The following PSMA4 variants were observed in gnomAD, a reference collection of about 807,000 sequenced individuals.
The protein encoded by PSMA4 is proteasome 20S subunit alpha 4.
A neutral mutation model predicts 37.2 loss-of-function variants in PSMA4; 8 were observed. The ratio of observed to expected loss-of-function variants is 0.22; its 90% CI spans 0.13 to 0.39. The LOEUF (loss-of-function observed/expected upper bound fraction) is 0.39. Among genes scored for constraint, PSMA4 ranks in the 10% least tolerant of loss-of-function variants. The pLI is 1.00. For missense variants in PSMA4, 169 were observed against 305.1 expected, an observed-to-expected ratio of 0.55 and a Z score of 3.32; for synonymous variants, 93 against 98.8, an observed-to-expected ratio of 0.94 and a Z score of 0.35.
rs202020056 is a variant in PSMA4 at position 78,542,460 on chromosome 15, T to C, written c.47-23T>C. ...CAGGAGCACAGAGGAGAGTCTTGGC[T>C]TCTCACTGCTTTTGTTTTGTAGGTC... is the stretch of plus-strand genomic sequence containing the variant. On this transcript the variant is annotated intron_variant, in intron 3 of 8. Coordinates refer to ENST00000044462, the MANE Select transcript of PSMA4 (RefSeq NM_002789.6). 9.8e-5 allele frequency: 157 copies of C among 1,606,856 alleles called. 1 individual carries two copies. Among genetic ancestry groups the C allele is most frequent in the Non-Finnish European group, 1.3e-4 (150 of 1,177,202 alleles).
At chr15:78,546,097 A>G (rs914009856) in intron 7 of PSMA4, among the ~76,000 whole-genome samples, 1 of 152,124 alleles carries the variant, frequency 6.6e-6, no homozygotes, top group Non-Finnish European at 1.5e-5. Context: ...TTTATAGAGC[A>G]TTAGTACCCC....
intron 5 of PSMA4, 127 bp downstream of exon 5, chr15:78,544,394 C>T: frequency 1.8e-6 from 1 of 568,084 alleles, no homozygotes; most frequent in Non-Finnish European, 3.1e-6. Flanking sequence ...TGGCTCACTG[C>T]AACCTCCGCC....
At chr15:78,546,781 T>G in intron 8 of PSMA4, 83 bp downstream of exon 8, 1 of 1,442,882 alleles carries the variant, frequency 6.9e-7, no homozygotes, top group Non-Finnish European at 9.4e-7. Context: ...TTTTTTTTTT[T>G]TTTGAGATGG....
chr15:78,544,710 C>T, intron 5 of PSMA4, 159 bp from the exon 6 acceptor site: 2 of 510,390 alleles, frequency 3.9e-6, no homozygotes, highest in Non-Finnish European at 6.9e-6. Context: ...ATATTATTTA[C>T]TATGAGAATA....
At chr15:78,542,352 C>A in intron 3 of PSMA4, 131 bp from the exon 4 acceptor site, 1 of 1,371,892 alleles carries the variant, frequency 7.3e-7, no homozygotes, top group African/African-American at 1.5e-5. Context: ...TTATCATCAC[C>A]AGGTTGATTA....
chr15:78,548,970 G>C lies in PSMA4; in HGVS notation c.*26G>C. 6.3e-7 allele frequency: 1 copy of C among 1,591,578 alleles called. No homozygotes were observed. Among genetic ancestry groups the C allele is most frequent in the Non-Finnish European group, 8.5e-7 (1 of 1,171,702 alleles). ...AATCAGAGATTTTATTACTCATTTGGGGCACCATTTCAGTGTAAAAGCAGT... is the reference window on the plus strand; with the variant it reads ...AATCAGAGATTTTATTACTCATTTGCGGCACCATTTCAGTGTAAAAGCAGT... On this transcript the variant is annotated 3_prime_UTR_variant, in exon 9 of 9. Transcript: ENST00000044462.
intron 3 of PSMA4, 97 bp downstream of exon 3, chr15:78,542,316 T>A: frequency 7.0e-7 from 1 of 1,418,822 alleles, no homozygotes; most frequent in South Asian, 1.3e-5. Context: ...AGTTGCAAAG[T>A]TCATCCTTTT....
At chr15:78,542,306 A>G (rs2052469155) in intron 3 of PSMA4, 87 bp downstream of exon 3, 7 of 1,436,844 alleles carry the variant, frequency 4.9e-6, no homozygotes, top group Non-Finnish European at 5.7e-6. Context: ...TTTTTTTGGT[A>G]GTTGCAAAGT....
chr15:78,543,055 TTTA>T (rs573259977), intron 4 of PSMA4, among the ~76,000 whole-genome samples: 86 of 152,286 alleles, frequency 5.6e-4, no homozygotes, highest in African/African-American at 1.9e-3. Flanking sequence ...CAAAGTATTG[TTTA>T]GAATAGCTAC....
At chr15:78,542,725 C>T (rs920408085) in intron 4 of PSMA4, 80 bp downstream of exon 4, 16 of 1,319,342 alleles carry the variant, frequency 1.2e-5, no homozygotes, top group Non-Finnish European at 1.7e-5. Context: ...TGGGAGGGCT[C>T]TTCCGTGCGA....
chr15:78,545,782 G>C lies in PSMA4; in HGVS notation c.507+18G>C. On this transcript the variant is annotated intron_variant, in intron 7 of 8. Coordinates refer to ENST00000044462, the MANE Select transcript of PSMA4 (RefSeq NM_002789.6). ...ATAGCGCTGTGAGTATTTTTGTTGTGCTATAAAATCTAGCAGAATGTCTAA... is the reference window on the plus strand; with the variant it reads ...ATAGCGCTGTGAGTATTTTTGTTGTCCTATAAAATCTAGCAGAATGTCTAA... 1.2e-6 allele frequency: 2 copies of C among 1,612,132 alleles called. No individual in the cohort carries two copies. The highest frequency in any genetic ancestry group is 1.7e-6 in the Non-Finnish European group (2 of 1,178,624).
chr15:78,547,044 G>A (rs1451672622), intron 8 of PSMA4, among the ~76,000 whole-genome samples: 1 of 152,210 alleles, frequency 6.6e-6, no homozygotes, highest in African/African-American at 2.4e-5. Context: ...GGGATTACAG[G>A]CGTGAGCCAT....
rs2052509734 is a variant in PSMA4 at position 78,544,279 on chromosome 15, A to T, written c.287+12A>T. The T allele has an allele frequency of 2.0e-6, 3 of 1,525,852 alleles. No individual in the cohort carries two copies. The highest frequency in any genetic ancestry group is 2.6e-6 in the Non-Finnish European group (3 of 1,141,270). 94.5% of individuals were successfully genotyped at this position (1,525,852 alleles called of 1,614,324 possible). A position where few individuals can be genotyped will look rare whatever the true frequency, so the allele number is the denominator to read the frequency against. On this transcript the variant is annotated intron_variant, in intron 5 of 8. Coordinates refer to ENST00000044462, the MANE Select transcript of PSMA4 (RefSeq NM_002789.6). ...CTCATTGCTCAAAGGTATGGTCATAAATAGCATAACTGATGATACAGAAAT... is the reference window on the plus strand; with the variant it reads ...CTCATTGCTCAAAGGTATGGTCATATATAGCATAACTGATGATACAGAAAT...
At chr15:78,542,408 T>C (rs148200521) in intron 3 of PSMA4, 75 bp from the exon 4 acceptor site, 2 of 1,527,934 alleles carry the variant, frequency 1.3e-6, no homozygotes, top group Non-Finnish European at 1.8e-6. Flanking sequence ...GCTTGCTTCA[T>C]TGCTGATTTC....
rs1410955505 is a variant in PSMA4 at position 78,551,628 on chromosome 15, T to C, written c.*2684T>C. The C allele has an allele frequency of 6.6e-6, 1 of 152,102 alleles. No individual in the cohort carries two copies. The highest frequency in any genetic ancestry group is 1.5e-5 in the Non-Finnish European group (1 of 68,034). 9.4% of individuals were successfully genotyped at this position (152,102 alleles called of 1,614,324 possible). A position where few individuals can be genotyped will look rare whatever the true frequency, so the allele number is the denominator to read the frequency against. ...GTCTCTCCCCACTGGAATACAGACT[T>C]CCAGAGCAGTACTTTGTTTTCATTC... is the stretch of plus-strand genomic sequence containing the variant. On this transcript the variant is annotated 3_prime_UTR_variant, in exon 9 of 9. Coordinates refer to ENST00000044462, the MANE Select transcript of PSMA4 (RefSeq NM_002789.6).
intron 8 of PSMA4, 92 bp from the exon 9 acceptor site, chr15:78,548,698 T>G (rs2052599153): frequency 6.0e-6 from 9 of 1,492,942 alleles, no homozygotes; most frequent in Middle Eastern, 3.6e-4. Flanking sequence ...TTCAATGATG[T>G]GGCGAGCATA....
intron 6 of PSMA4, 72 bp downstream of exon 6, chr15:78,545,029 G>A (rs775070820): frequency 9.5e-7 from 1 of 1,049,286 alleles, no homozygotes; most frequent in Non-Finnish European, 1.4e-6. Context: ...TTTTGAGGTA[G>A]TAAAAAATTG....
At position 78,549,099 on chromosome 15, in the gene PSMA4, ATACTT is replaced by A. The variant is rs2052608000; in HGVS notation, c.*158_*162del. 8.7e-7 allele frequency: 1 copy of A among 1,146,904 alleles called. No homozygotes were observed. The highest frequency in any genetic ancestry group is 1.6e-5 in the African/African-American group (1 of 63,230). 71.0% of individuals were successfully genotyped at this position (1,146,904 alleles called of 1,614,324 possible). A position where few individuals can be genotyped will look rare whatever the true frequency, so the allele number is the denominator to read the frequency against. On this transcript the variant is annotated 3_prime_UTR_variant, in exon 9 of 9. Coordinates refer to ENST00000044462, the MANE Select transcript of PSMA4 (RefSeq NM_002789.6). The stretch of plus-strand genomic sequence containing the variant: ...GTCCTTGTCATTTCTGTCCAATTGA[ATACTT>A]TATTGTAACGATGATGGTTACCCTT...
chr15:78,547,086 C>T (rs2052566652), intron 8 of PSMA4, among the ~76,000 whole-genome samples: 1 of 152,196 alleles, frequency 6.6e-6, no homozygotes, highest in Admixed American at 6.5e-5. Flanking sequence ...AAGATTTTAA[C>T]ATGTCATCCT....
Sources: allele counts gnomAD v4.1 joint callset (sites outside exome capture counted in the v4.1 genomes callset), GRCh38; gene constraint gnomAD v4.1.1; transcripts MANE v1.5; gene names NCBI Gene and HGNC (gene_info 2026-07-23, HGNC 2026-07-21).